The following DNAJC7 variants were observed in gnomAD, a reference collection of about 807,000 sequenced individuals.
The protein encoded by DNAJC7 is DnaJ heat shock protein family (Hsp40) member C7.
Under a neutral mutation model 67.4 loss-of-function variants are expected in DNAJC7, and 18 were observed. The observed-to-expected ratio is 0.27, with a 90% CI of 0.18 to 0.40. DNAJC7 has a LOEUF of 0.40. Among genes scored for constraint, DNAJC7 ranks in the 10% least tolerant of loss-of-function variants. The pLI is 1.00. For missense variants in DNAJC7, 419 were observed against 613.8 expected (o/e 0.68, Z 3.35); for synonymous variants, 220 against 207.8 (o/e 1.06, Z -0.50).
chr17:41,988,822 A>G lies in DNAJC7; in HGVS notation c.828T>C (p.Tyr276=), dbSNP rs781958841. 1.2e-6 allele frequency: 2 copies of G among 1,613,760 alleles called. No individual in the cohort carries two copies. Among genetic ancestry groups the G allele is most frequent in the Non-Finnish European group, 1.7e-6 (2 of 1,179,856 alleles). ...AFKEGNYKLA[Y]ELYTEALGID... is the part of the protein sequence containing the mutation. The stretch of plus-strand genomic sequence containing the variant: ...TCCCCAGGGCTTCTGTGTACAGTTC[A>G]TATGCTAGTTTGTAATTTCCTTCCT... Residue 276 remains tyrosine, a synonymous_variant, in exon 8 of 14, where the codon TAT becomes TAC. Coordinates refer to ENST00000457167, the MANE Select transcript of DNAJC7 (RefSeq NM_003315.4).
intron 4 of DNAJC7, 86 bp from the exon 5 acceptor site, chr17:41,995,030 T>G: frequency 4.4e-6 from 5 of 1,141,622 alleles, no homozygotes; most frequent in Non-Finnish European, 6.6e-6. Flanking sequence ...CTTGATGAAT[T>G]TGAATTCAGT....
chr17:42,009,250 C>T (rs992787288), intron 1 of DNAJC7, among the ~76,000 whole-genome samples: 1 of 152,184 alleles, frequency 6.6e-6, no homozygotes, highest in African/African-American at 2.4e-5. Flanking sequence ...AAGAAAATTC[C>T]TTAACATACC....
At chr17:41,997,336 C>T in intron 2 of DNAJC7, 97 bp from the exon 3 acceptor site, 1 of 1,472,458 alleles carries the variant, frequency 6.8e-7, no homozygotes, top group East Asian at 2.5e-5. Flanking sequence ...TGCCCATAAT[C>T]CCAGTACTTT....
chr17:41,996,438 A>G lies in DNAJC7; in HGVS notation c.292-14T>C. ...TCGTAGATGTCCCTAAAAGAACACC[A>G]AGAGGGAAGAAAAGAAGCATGATTG... is the stretch of plus-strand genomic sequence containing the variant. On this transcript the variant is annotated splice_polypyrimidine_tract_variant and intron_variant, in intron 3 of 13. Coordinates refer to ENST00000457167, the MANE Select transcript of DNAJC7 (RefSeq NM_003315.4). 6.2e-7 allele frequency: 1 copy of G among 1,602,738 alleles called. No homozygotes were observed.
chr17:42,008,243 C>T (rs1372463285), intron 1 of DNAJC7, among the ~76,000 whole-genome samples: 23 of 145,232 alleles, frequency 1.6e-4, no homozygotes, highest in Admixed American at 4.2e-4. Context: ...ACCCAGGAGG[C>T]GGAGGTTGCA....
At chr17:41,980,595 T>C (rs2051223843) in intron 12 of DNAJC7, among the ~76,000 whole-genome samples, 4 of 151,982 alleles carry the variant, frequency 2.6e-5, no homozygotes, top group African/African-American at 9.7e-5. Flanking sequence ...TTTGGTATTT[T>C]GTATGTTGCC....
At chr17:42,009,870 C>A (rs782376968) in intron 1 of DNAJC7, among the ~76,000 whole-genome samples, 59 of 152,292 alleles carry the variant, frequency 3.9e-4, no homozygotes, top group Non-Finnish European at 7.1e-4. Context: ...TTTGCCCTGG[C>A]GCAGTGGCTC....
At chr17:41,995,026 G>A in intron 4 of DNAJC7, 82 bp from the exon 5 acceptor site, 1 of 1,170,414 alleles carries the variant, frequency 8.5e-7, no homozygotes, top group Non-Finnish European at 1.3e-6. Flanking sequence ...AGGCCTTGAT[G>A]AATTTGAATT....
At chr17:41,980,731 C>G (rs74741466) in intron 12 of DNAJC7, among the ~76,000 whole-genome samples, 1 of 152,166 alleles carries the variant, frequency 6.6e-6, no homozygotes, top group African/African-American at 2.4e-5. Flanking sequence ...TGACAGCCCA[C>G]AGTGAGCAAC....
At chr17:42,003,739 C>T (rs1173206682) in intron 1 of DNAJC7, among the ~76,000 whole-genome samples, 1 of 149,874 alleles carries the variant, frequency 6.7e-6, no homozygotes, top group Admixed American at 6.7e-5. Flanking sequence ...TTCACCTAGA[C>T]CAATTAAAAA....
intron 12 of DNAJC7, among the ~76,000 whole-genome samples, chr17:41,980,378 C>T (rs2051217770): frequency 6.6e-6 from 1 of 151,650 alleles, no homozygotes; most frequent in African/African-American, 2.4e-5. Context: ...AGAGTGAAGA[C>T]TGACTGAATT....
chr17:41,997,845 C>T (rs1397276002), intron 2 of DNAJC7, among the ~76,000 whole-genome samples: 1 of 152,020 alleles, frequency 6.6e-6, no homozygotes, highest in South Asian at 2.1e-4. Flanking sequence ...TGTGCCACCA[C>T]GCCTGGCTAA....
At position 41,990,386 on chromosome 17, in the gene DNAJC7, T is replaced by C. The variant is rs201096021; in HGVS notation, c.481-4A>G. On this transcript the variant is annotated splice_region_variant and splice_polypyrimidine_tract_variant and intron_variant, in intron 5 of 13. Coordinates refer to ENST00000457167, the MANE Select transcript of DNAJC7 (RefSeq NM_003315.4). ...CACGGTCCATGCAGAAAACAACCTG[T>C]AGGGAAGAAGAAAACAAATAAGGCT... 7.9e-5 allele frequency: 126 copies of C among 1,599,744 alleles called. No individual in the cohort carries two copies. Among genetic ancestry groups the C allele is most frequent in the Admixed American group, 1.7e-5 (1 of 58,036 alleles).
Position 41,976,696 on chromosome 17 carries a change from A to C in DNAJC7, c.*37T>G. 1.2e-6 allele frequency: 2 copies of C among 1,606,504 alleles called. No individual in the cohort carries two copies. Among genetic ancestry groups the C allele is most frequent in the Non-Finnish European group, 1.7e-6 (2 of 1,177,916 alleles). On this transcript the variant is annotated 3_prime_UTR_variant, in exon 14 of 14. Coordinates refer to ENST00000457167, the MANE Select transcript of DNAJC7 (RefSeq NM_003315.4). ...TCCACATTCAAGATTAAACTGAGTG[A>C]ATCTGCATTTTCTGGGTTCTGGGTG...
chr17:41,995,023 G>A, intron 4 of DNAJC7, 79 bp from the exon 5 acceptor site: 2 of 1,217,678 alleles, frequency 1.6e-6, no homozygotes, highest in Non-Finnish European at 2.4e-6. Context: ...ACAAGGCCTT[G>A]ATGAATTTGA....
At chr17:41,987,019 T>A (rs1359491661) in intron 9 of DNAJC7, among the ~76,000 whole-genome samples, 2 of 152,196 alleles carry the variant, frequency 1.3e-5, no homozygotes, top group Non-Finnish European at 2.9e-5. Flanking sequence ...CTAAGAACTT[T>A]AAAGACGGGA....
intron 5 of DNAJC7, 122 bp from the exon 6 acceptor site, chr17:41,990,504 A>G (rs539578542): frequency 2.7e-6 from 2 of 754,018 alleles, no homozygotes; most frequent in Non-Finnish European, 4.4e-6. Flanking sequence ...ACTTCTAAGT[A>G]ATATCAAAGT....
At position 41,997,345 on chromosome 17, in the gene DNAJC7, T is replaced by C. The variant is rs539848332; in HGVS notation, c.167-106A>G. Reference sequence around the variant, plus strand: ...GGCTCATGCCCATAATCCCAGTACTTTGGGAGGCCAAGAGGGGAGACCACT... The same window carrying C: ...GGCTCATGCCCATAATCCCAGTACTCTGGGAGGCCAAGAGGGGAGACCACT... On this transcript the variant is annotated intron_variant, in intron 2 of 13. Transcript: ENST00000457167. 18 of 1,432,402 alleles carry C rather than the reference T, an allele frequency of 1.3e-5. No individual in the cohort carries two copies. The South Asian group carries it at 2.4e-4, about 19-fold the overall frequency. The allele number at this position is 1,432,402 out of a possible 1,614,324, so 88.7% of individuals were successfully genotyped here. A position where few individuals can be genotyped will look rare whatever the true frequency, so the allele number is the denominator to read the frequency against.
chr17:41,995,483 A>T (rs2051632327), intron 4 of DNAJC7, among the ~76,000 whole-genome samples: 1 of 152,272 alleles, frequency 6.6e-6, no homozygotes, highest in Non-Finnish European at 1.5e-5. Context: ...TATATATGGC[A>T]GTGCTCCTGT....
Sources: gnomAD v4.1 joint callset for allele counts (sites outside exome capture counted in the v4.1 genomes callset) on GRCh38, gnomAD v4.1.1 for gene constraint, MANE v1.5 for transcripts, NCBI Gene and HGNC (gene_info 2026-07-23, HGNC 2026-07-21) for gene names.